The following CSMD1 variants were observed in gnomAD, a reference collection of about 807,000 sequenced individuals.
The protein encoded by CSMD1 is CUB and sushi domain-containing protein 1.
CSMD1 carries 213 observed loss-of-function variants against 417.5 expected under a neutral mutation model. That is an observed-to-expected ratio of 0.51 (90% confidence interval 0.46 to 0.57). CSMD1 has a LOEUF of 0.57. CSMD1 is among the 20% of genes least tolerant of loss of function. The pLI is 0.00. For missense variants in CSMD1, 6,923 were observed against 4,529.7 expected (o/e 1.53, Z -15.17); for synonymous variants, 2,862 against 1,736.8 (o/e 1.65, Z -16.11).
intron 8 of CSMD1, among the ~76,000 whole-genome samples, chr8:3,589,448 T>A (rs4875749): frequency 0.096 from 14,647 of 151,912 alleles, 1,302 homozygotes; most frequent in African/African-American, 0.21. Flanking sequence ...CAGCCTTTTT[T>A]AAAAAAGAGG....
intron 12 of CSMD1, among the ~76,000 whole-genome samples, chr8:3,454,068 G>A (rs1329692310): frequency 1.3e-5 from 2 of 152,020 alleles, no homozygotes; most frequent in Admixed American, 6.5e-5. Flanking sequence ...ATTATGTAAT[G>A]GCCTTCTTTG....
At chr8:4,146,057 G>C (rs1185298453) in intron 3 of CSMD1, among the ~76,000 whole-genome samples, 2 of 150,790 alleles carry the variant, frequency 1.3e-5, no homozygotes, top group Non-Finnish European at 2.9e-5. Context: ...CAACATTGCA[G>C]ACACTTGAGG....
At chr8:4,927,148 C>A (rs905570886) in intron 1 of CSMD1, among the ~76,000 whole-genome samples, 4 of 150,760 alleles carry the variant, frequency 2.7e-5, no homozygotes, top group Middle Eastern at 3.5e-3. Flanking sequence ...CTCTGTTGCA[C>A]CAGGCTGGAG....
At chr8:4,365,153 T>C (rs924530755) in intron 3 of CSMD1, among the ~76,000 whole-genome samples, 6 of 152,188 alleles carry the variant, frequency 3.9e-5, no homozygotes, top group Admixed American at 3.3e-4. Context: ...GCATATCATA[T>C]TTTTATTTTG....
chr8:3,636,448 G>C (rs1032261129), intron 7 of CSMD1, among the ~76,000 whole-genome samples: 8 of 152,248 alleles, frequency 5.3e-5, no homozygotes, highest in African/African-American at 1.9e-4. Context: ...ACAGTGGTAG[G>C]ATTACAGGTG....
intron 2 of CSMD1, among the ~76,000 whole-genome samples, chr8:4,430,022 T>C (rs942953221): frequency 2.0e-5 from 3 of 152,088 alleles, no homozygotes; most frequent in African/African-American, 7.2e-5. Context: ...CCCACTGAAA[T>C]GAAATCGACT....
At chr8:4,968,052 T>C (rs907798930) in intron 1 of CSMD1, among the ~76,000 whole-genome samples, 1 of 152,170 alleles carries the variant, frequency 6.6e-6, no homozygotes, top group Non-Finnish European at 1.5e-5. Flanking sequence ...CCAGCCAAAT[T>C]AGAGTTCTTA....
chr8:4,331,801 G>C (rs369017050), intron 3 of CSMD1, among the ~76,000 whole-genome samples: 2 of 152,238 alleles, frequency 1.3e-5, no homozygotes, highest in African/African-American at 4.8e-5. Context: ...TTGACTCACA[G>C]TATTTTTCCT....
In CSMD1 at chr8:3,691,283, C is replaced by T. The variant is rs560847747; in HGVS notation, c.1009+17131G>A. ...CTCAGGAGGCTGAAGCAGGAGATCA[C>T]TTGACCCTGGGAGGCGGAGGTTGCA... On this transcript the variant is annotated intron_variant, in intron 7 of 69. Coordinates refer to ENST00000635120, the MANE Select transcript of CSMD1 (RefSeq NM_033225.6). 3.3e-5 allele frequency among the ~76,000 whole-genome samples: 5 copies of T among 152,140 alleles called. No individual in the cohort carries two copies. In the South Asian group the frequency reaches 1.0e-3, roughly 32 times the overall value.
chr8:4,420,808 A>G (rs1256468242), intron 2 of CSMD1, among the ~76,000 whole-genome samples: 1 of 152,136 alleles, frequency 6.6e-6, no homozygotes, highest in Non-Finnish European at 1.5e-5. Flanking sequence ...TGCTGAGAAT[A>G]CCCACATTCT....
intron 3 of CSMD1, among the ~76,000 whole-genome samples, chr8:4,270,188 T>C (rs1034311341): frequency 2.0e-5 from 3 of 152,188 alleles, no homozygotes; most frequent in Non-Finnish European, 4.4e-5. Flanking sequence ...AGAAAGGAGT[T>C]GACATAGCCG....
intron 2 of CSMD1, among the ~76,000 whole-genome samples, chr8:4,632,413 G>A (rs1219881427): frequency 6.6e-6 from 1 of 152,138 alleles, no homozygotes; most frequent in Non-Finnish European, 1.5e-5. Flanking sequence ...TCAGGAGGCT[G>A]AGACAGCAGA....
intron 1 of CSMD1, among the ~76,000 whole-genome samples, chr8:4,952,722 C>A (rs1808835442): frequency 6.6e-6 from 1 of 151,982 alleles, no homozygotes; most frequent in Non-Finnish European, 1.5e-5. Flanking sequence ...ATGAGTATAT[C>A]AAATATTGAG....
intron 8 of CSMD1, among the ~76,000 whole-genome samples, chr8:3,599,155 G>GTGTC (rs1554483047): frequency 5.3e-5 from 7 of 132,396 alleles, no homozygotes; most frequent in Admixed American, 8.1e-5. Context: ...GTGTGTCTGT[G>GTGTC]TGTGTGTCTG....
chr8:4,536,559 C>T (rs536287605), intron 2 of CSMD1, among the ~76,000 whole-genome samples: 1 of 152,318 alleles, frequency 6.6e-6, no homozygotes, highest in Admixed American at 6.5e-5. Context: ...CTCCTTCTTA[C>T]AGCAGCATCG....
intron 12 of CSMD1, among the ~76,000 whole-genome samples, chr8:3,435,624 T>C (rs566156679): frequency 1.3e-5 from 2 of 152,284 alleles, no homozygotes; most frequent in Admixed American, 1.3e-4. Context: ...TTGATGACTA[T>C]GAGCTGTTAC....
intron 3 of CSMD1, among the ~76,000 whole-genome samples, chr8:4,088,880 G>A (rs769937827): frequency 7.2e-5 from 11 of 151,994 alleles, no homozygotes; most frequent in Non-Finnish European, 1.3e-4. Context: ...TGTTCCACCC[G>A]CAATCTTCCC....
chr8:3,990,978 A>G (rs1814698460), intron 5 of CSMD1, among the ~76,000 whole-genome samples: 1 of 152,122 alleles, frequency 6.6e-6, no homozygotes, highest in Non-Finnish European at 1.5e-5. Flanking sequence ...AGGAGAGAAA[A>G]TGTGTCTTGC....
intron 1 of CSMD1, among the ~76,000 whole-genome samples, chr8:4,881,215 G>T (rs7010542): frequency 0.92 from 139,577 of 152,142 alleles, 64,682 homozygotes; most frequent in East Asian, 1. Context: ...ATTATACATA[G>T]GTCCATTCTA....
Sources: gnomAD v4.1 joint callset for allele counts (sites outside exome capture counted in the v4.1 genomes callset) on GRCh38, gnomAD v4.1.1 for gene constraint, MANE v1.5 for transcripts, NCBI Gene and HGNC (gene_info 2026-07-23, HGNC 2026-07-21) for gene names.